Variants in NDST3 observed in about 807,000 individuals in gnomAD.
NDST3 encodes the protein bifunctional heparan sulfate N-deacetylase/N-sulfotransferase 3.
In NDST3, 58 loss-of-function variants were observed where a neutral mutation model predicts 96.1. The ratio of observed to expected loss-of-function variants is 0.60; its 90% confidence interval spans 0.49 to 0.75. The LOEUF (loss-of-function observed/expected upper bound fraction) is 0.75, where lower values mean the gene tolerates loss of function less well. NDST3 is among the 30% of genes least tolerant of loss of function. The pLI is 0.00. For missense variants in NDST3, 788 were observed against 1,034.2 expected (o/e 0.76, Z 3.27); for synonymous variants, 333 against 359.7 (o/e 0.93, Z 0.84).
chr4:118,168,029 C>T (rs979582790), intron 6 of NDST3, among the ~76,000 whole-genome samples: 9 of 151,832 alleles, frequency 5.9e-5, no homozygotes, highest in African/African-American at 1.9e-4. Context: ...ACACCAAAAG[C>T]ACATGCCACA....
intron 2 of NDST3, among the ~76,000 whole-genome samples, chr4:118,082,120 T>C (rs1236027348): frequency 1.3e-5 from 2 of 152,180 alleles, no homozygotes; most frequent in African/African-American, 2.4e-5. Flanking sequence ...CTCTGGTACG[T>C]CACAAAACAC....
chr4:118,169,400 A>G (rs1735773684), intron 6 of NDST3, among the ~76,000 whole-genome samples: 1 of 152,194 alleles, frequency 6.6e-6, no homozygotes, highest in Admixed American at 6.5e-5. Context: ...CATCTATAAA[A>G]GTCACTTTTA....
At chr4:118,183,095 A>G (rs1267826926) in intron 6 of NDST3, among the ~76,000 whole-genome samples, 4 of 152,176 alleles carry the variant, frequency 2.6e-5, no homozygotes, top group African/African-American at 9.6e-5. Context: ...GCTAACCTGA[A>G]TTTTGGAAAG....
At position 118,233,031 on chromosome 4, in the gene NDST3, G is replaced by T; in HGVS notation, c.1839G>T (p.Leu613Phe). Residue 613 changes from leucine to phenylalanine, a missense_variant, in exon 9 of 14, where the codon TTG becomes TTT. Physicochemically the swap from Leu to Phe is conservative, Grantham distance 22 (BLOSUM62 0). Coordinates refer to ENST00000296499, the MANE Select transcript of NDST3 (RefSeq NM_004784.3). The stretch of plus-strand genomic sequence containing the variant: ...TTCTAGGTACCACTGCTTTGTATTT[G>T]TTCCTGGTTATGCATCCTTCCATCC... The part of the protein sequence containing the change: ...PQKTGTTALY[L>F]FLVMHPSILS... 2.5e-6 allele frequency: 4 copies of T among 1,613,076 alleles called. No individual in the cohort carries two copies. The highest frequency in any genetic ancestry group is 3.4e-6 in the Non-Finnish European group (4 of 1,179,334).
chr4:118,058,622 TGTGTGTGTGTGTGCGC>T (rs1472533121), intron 2 of NDST3, among the ~76,000 whole-genome samples: 913 of 48,890 alleles, frequency 0.019, 11 homozygotes, highest in African/African-American at 0.034. Flanking sequence ...TGTGTGTGTG[TGTGTGTGTGTGTGCGC>T]GCGCGCGCAC....
At chr4:118,108,206 C>T (rs910955554) in intron 3 of NDST3, among the ~76,000 whole-genome samples, 2 of 152,176 alleles carry the variant, frequency 1.3e-5, no homozygotes, top group African/African-American at 4.8e-5. Context: ...ATTATTACAA[C>T]TCAGGGTGAG....
At chr4:118,250,461 T>A (rs998602396) in intron 12 of NDST3, among the ~76,000 whole-genome samples, 21 of 152,304 alleles carry the variant, frequency 1.4e-4, no homozygotes, top group Admixed American at 2.6e-4. Context: ...TTCATATGTG[T>A]TCTTTGGTGA....
chr4:118,249,761 C>CACA (rs1491123278), intron 12 of NDST3, among the ~76,000 whole-genome samples: 1 of 151,588 alleles, frequency 6.6e-6, no homozygotes, highest in Non-Finnish European at 1.5e-5. Flanking sequence ...CACACACACA[C>CACA]ATTAGATCAC....
At chr4:118,107,050 ACTGCACTCCAGC>A (rs1442531890) in intron 3 of NDST3, among the ~76,000 whole-genome samples, 11 of 152,190 alleles carry the variant, frequency 7.2e-5, no homozygotes, top group Non-Finnish European at 1.5e-4. Context: ...AGATTGCGCC[ACTGCACTCCAGC>A]CTGGGCTACA....
intron 4 of NDST3, among the ~76,000 whole-genome samples, chr4:118,127,272 C>T (rs568271076): frequency 5.3e-5 from 8 of 152,056 alleles, no homozygotes; most frequent in Non-Finnish European, 8.8e-5. Context: ...TTTGCCAAGA[C>T]CAATGTCTTG....
chr4:118,066,650 C>T (rs56823728), intron 2 of NDST3, among the ~76,000 whole-genome samples: 3,404 of 4,552 alleles, frequency 0.75, 1,562 homozygotes, highest in Middle Eastern at 1. Context: ...TTATATATAA[C>T]ATGTTATATA....
chr4:118,107,420 C>T (rs1281411559), intron 3 of NDST3, among the ~76,000 whole-genome samples: 3 of 151,908 alleles, frequency 2.0e-5, no homozygotes, highest in South Asian at 2.1e-4. Context: ...TATTGGTATA[C>T]TCATATAATG....
At chr4:118,171,593 T>C (rs1735955665) in intron 6 of NDST3, among the ~76,000 whole-genome samples, 1 of 152,144 alleles carries the variant, frequency 6.6e-6, no homozygotes, top group Admixed American at 6.6e-5. Context: ...GGGTGACCTG[T>C]TGCAGATGTT....
At chr4:118,101,217 G>A (rs541382287) in intron 2 of NDST3, among the ~76,000 whole-genome samples, 28 of 151,520 alleles carry the variant, frequency 1.8e-4, no homozygotes, top group African/African-American at 4.8e-5. Context: ...TCATCTATTT[G>A]ATTTATTCTG....
chr4:118,084,234 A>G (rs1413523515), intron 2 of NDST3, among the ~76,000 whole-genome samples: 1 of 152,190 alleles, frequency 6.6e-6, no homozygotes, highest in East Asian at 1.9e-4. Context: ...AAAACAAAAA[A>G]AAAATAGGTA....
At chr4:118,238,155 AAAAGAAAGAAAG>A (rs552263074) in intron 10 of NDST3, among the ~76,000 whole-genome samples, 16,039 of 90,814 alleles carry the variant, frequency 0.18, 1,545 homozygotes, top group Middle Eastern at 0.22. Context: ...GAAAAGAAAG[AAAAGAAAGAAAG>A]AAAGAAAGAA....
chr4:118,188,508 A>C (rs1413540842), intron 6 of NDST3, among the ~76,000 whole-genome samples: 2 of 152,036 alleles, frequency 1.3e-5, no homozygotes, highest in Non-Finnish European at 2.9e-5. Context: ...ATTTAGGTGC[A>C]GAGCACTGAT....
intron 2 of NDST3, among the ~76,000 whole-genome samples, chr4:118,056,937 TAACTTAAGTATG>T (rs964015243): frequency 1.3e-5 from 2 of 152,022 alleles, no homozygotes; most frequent in African/African-American, 4.8e-5. Flanking sequence ...TGTGTACCTG[TAACTTAAGTATG>T]TACTTAAGTA....
At position 118,254,578 on chromosome 4, in the gene NDST3, T is replaced by C. The variant is rs566167268; in HGVS notation, c.2502+977T>C. ...TACTTTAATGCTTACTTGACATATA[T>C]TAAGATTTACTAATAATATTTTTAT... On this transcript the variant is annotated intron_variant, in intron 13 of 13. Transcript: ENST00000296499. Among the ~76,000 whole-genome samples the C allele has an allele frequency of 1.3e-4, 20 of 152,292 alleles. 1 individual carries two copies. In the East Asian group the frequency reaches 2.9e-3, roughly 22 times the overall value.
Sources: gnomAD v4.1 joint callset for allele counts (sites outside exome capture counted in the v4.1 genomes callset) on GRCh38, gnomAD v4.1.1 for gene constraint, MANE v1.5 for transcripts, NCBI Gene and HGNC (gene_info 2026-07-23, HGNC 2026-07-21) for gene names.